Variants in NOS1 observed in about 807,000 individuals in gnomAD.
NOS1 encodes the protein NOS type I.
A neutral mutation model predicts 164.5 loss-of-function variants in NOS1; 51 were observed. The ratio of observed to expected loss-of-function variants is 0.31; its 90% confidence interval spans 0.25 to 0.39. NOS1 has a LOEUF of 0.39. NOS1 is among the 10% of genes least tolerant of loss of function. NOS1 has a pLI of 1.00. For synonymous variants in NOS1, 719 were observed against 745.8 expected (o/e 0.96, Z 0.59); for missense variants, 1,362 against 1,885.6 (o/e 0.72, Z 5.14).
intron 23 of NOS1, among the ~76,000 whole-genome samples, chr12:117,226,987 C>T (rs2293047): frequency 0.23 from 34,285 of 151,970 alleles, 4,113 homozygotes; most frequent in Middle Eastern, 0.34. Context: ...AGGGGTGGGT[C>T]GGATTCGAAT....
In NOS1 at chr12:117,331,007, G is replaced by A. The variant is rs1410189230; in HGVS notation, c.63C>T (p.Phe21=). The A allele has an allele frequency of 3.1e-6, 5 of 1,614,080 alleles. No homozygotes were observed. Among genetic ancestry groups the A allele is most frequent in the Non-Finnish European group, 4.2e-6 (5 of 1,180,044 alleles). ...ATCCCAGGCCCCCAACTTTGCGCTT[G>A]AAGAGACGAACAGAAATGACATTGG... ...IQPNVISVRL[F]KRKVGGLGFL... The change falls in exon 2 of 29, where the codon TTC becomes TTT. Residue 21 remains phenylalanine, a synonymous_variant. Transcript: ENST00000317775.
Position 117,211,896 on chromosome 12 carries a change from C to T in NOS1, c.*3413G>A. 1 of 799,724 alleles carries T rather than the reference C, an allele frequency of 1.3e-6. No individual in the cohort carries two copies. The highest frequency in any genetic ancestry group is 1.5e-6 in the Non-Finnish European group (1 of 661,084). 49.5% of individuals were successfully genotyped at this position (799,724 alleles called of 1,614,324 possible). ...CCTGGCCAACATGGTGAAACCCTGA[C>T]TCTACTAAAAATACAAAACTTAGCT... On this transcript the variant is annotated 3_prime_UTR_variant, in exon 29 of 29. Transcript: ENST00000317775.
chr12:117,340,114 C>A (rs1045023817), intron 1 of NOS1, among the ~76,000 whole-genome samples: 2 of 152,152 alleles, frequency 1.3e-5, no homozygotes, highest in African/African-American at 2.4e-5. Flanking sequence ...AAGTTATCCT[C>A]AAGCTTTGGC....
intron 11 of NOS1, among the ~76,000 whole-genome samples, chr12:117,267,767 A>T (rs1566049205): frequency 6.6e-6 from 1 of 152,110 alleles, no homozygotes; most frequent in Admixed American, 6.5e-5. Flanking sequence ...GACAGAGAGG[A>T]TGCCTCTTGT....
At chr12:117,348,724 T>G (rs1347031633) in intron 1 of NOS1, among the ~76,000 whole-genome samples, 2 of 152,192 alleles carry the variant, frequency 1.3e-5, no homozygotes, top group Non-Finnish European at 2.9e-5. Flanking sequence ...TGAAAACACA[T>G]GGAACAAATT....
chr12:117,307,994 A>AAATAATAATAATAAT (rs71444617), intron 3 of NOS1, among the ~76,000 whole-genome samples: 2,727 of 149,812 alleles, frequency 0.018, 35 homozygotes, highest in African/African-American at 0.03. Flanking sequence ...GTCTCACAAT[A>AAATAATAATAATAAT]AATAATAATA....
intron 7 of NOS1, 21 bp from the exon 8 acceptor site, chr12:117,280,887 C>G: frequency 6.2e-7 from 1 of 1,611,586 alleles, no homozygotes; most frequent in Non-Finnish European, 8.5e-7. Flanking sequence ...GAGAGGGGAA[C>G]ACCCGGCATC....
At chr12:117,297,892 C>T (rs1873533494) in intron 3 of NOS1, among the ~76,000 whole-genome samples, 1 of 152,088 alleles carries the variant, frequency 6.6e-6, no homozygotes, top group African/African-American at 2.4e-5. Flanking sequence ...CTGACAACTA[C>T]ACCAGGGGAG....
rs1869776322 is a variant in NOS1 at position 117,237,099 on chromosome 12, T to C, written c.3042-2341A>G. On this transcript the variant is annotated intron_variant, in intron 20 of 28. Transcript: ENST00000317775. Reference sequence around the variant, plus strand: ...GCGATAGCACTGGCTCAGAAACCAATTGTCTTAAATCTCAGTTCTGCTGAG... The same window carrying C: ...GCGATAGCACTGGCTCAGAAACCAACTGTCTTAAATCTCAGTTCTGCTGAG... Among the ~76,000 whole-genome samples the C allele has an allele frequency of 2.6e-5, 4 of 152,298 alleles. No individual in the cohort carries two copies. In the South Asian group the frequency reaches 8.3e-4, roughly 32 times the overall value.
At chr12:117,217,612 C>T (rs772313091) in intron 28 of NOS1, among the ~76,000 whole-genome samples, 6 of 151,652 alleles carry the variant, frequency 4.0e-5, no homozygotes, top group South Asian at 2.1e-4. Flanking sequence ...GGCTGAGGCA[C>T]GAGAATTGCT....
chr12:117,260,380 T>C, intron 14 of NOS1, 85 bp downstream of exon 14: 1 of 1,506,896 alleles, frequency 6.6e-7, no homozygotes, highest in Non-Finnish European at 9.1e-7. Flanking sequence ...TGCCAAAGGC[T>C]TCTTCTCTGT....
chr12:117,225,622 A>AT (rs372204460), intron 24 of NOS1, among the ~76,000 whole-genome samples: 98 of 150,164 alleles, frequency 6.5e-4, no homozygotes, highest in African/African-American at 2.3e-3. Context: ...GAGAGCCACC[A>AT]TTTTTTTTTC....
chr12:117,320,879 G>A (rs2136064172), intron 2 of NOS1, among the ~76,000 whole-genome samples: 1 of 152,286 alleles, frequency 6.6e-6, no homozygotes. Context: ...CAGTACAAAT[G>A]TTGTCTTTTC....
chr12:117,226,825 C>T, intron 23 of NOS1, 55 bp from the exon 24 acceptor site: 2 of 1,359,208 alleles, frequency 1.5e-6, no homozygotes, highest in Non-Finnish European at 2.1e-6. Flanking sequence ...GCACGGCCTC[C>T]CCTCCTCCCT....
In NOS1 at chr12:117,210,591, C is replaced by T. The variant is rs536388333; in HGVS notation, c.*4718G>A. 3.2e-5 allele frequency: 32 copies of T among 985,386 alleles called. No individual in the cohort carries two copies. The highest frequency in any genetic ancestry group is 6.2e-5 in the Admixed American group (1 of 16,260). The allele number at this position is 985,386 out of a possible 1,614,324, so 61.0% of individuals were successfully genotyped here. A position where few individuals can be genotyped will look rare whatever the true frequency, so the allele number is the denominator to read the frequency against. Reference sequence around the variant, plus strand: ...AGGCTGCATTAGGCGCTGGTGCTGTCGGAGTGAAGGGGCTCAGGCATCTGG... The same window carrying T: ...AGGCTGCATTAGGCGCTGGTGCTGTTGGAGTGAAGGGGCTCAGGCATCTGG... On this transcript the variant is annotated 3_prime_UTR_variant, in exon 29 of 29. Coordinates refer to ENST00000317775, the MANE Select transcript of NOS1 (RefSeq NM_000620.5).
At chr12:117,235,414 T>G (rs1436072039) in intron 20 of NOS1, among the ~76,000 whole-genome samples, 1 of 152,112 alleles carries the variant, frequency 6.6e-6, no homozygotes, top group Admixed American at 6.5e-5. Flanking sequence ...TGTCTAGCAC[T>G]TCACTGGGAC....
At position 117,311,534 on chromosome 12, in the gene NOS1, A is replaced by C. The variant is rs200602438; in HGVS notation, c.784T>G (p.Phe262Val). 4.5e-4 allele frequency: 726 copies of C among 1,613,154 alleles called. 2 individuals are homozygous for C. Among genetic ancestry groups the C allele is most frequent in the Non-Finnish European group, 5.2e-4 (612 of 1,179,608 alleles). The part of the protein sequence containing the change: ...LPLGVENDRV[F>V]NDLWGKGNVP... Reference sequence around the variant, plus strand: ...TTGCCCTTCCCCCATAGGTCATTGAAGACTCGGTCGTTCTCCACGCCGAGG... The same window carrying C: ...TTGCCCTTCCCCCATAGGTCATTGACGACTCGGTCGTTCTCCACGCCGAGG... Residue 262 changes from phenylalanine to valine, a missense_variant, in exon 3 of 29, where the codon TTC (phenylalanine) becomes GTC (valine). Phe to Val is a conservative substitution (Grantham distance 50, BLOSUM62 -1). Transcript: ENST00000317775.
intron 28 of NOS1, among the ~76,000 whole-genome samples, chr12:117,215,869 C>CTTTTT (rs34665031): frequency 3.5e-5 from 3 of 85,426 alleles, no homozygotes; most frequent in African/African-American, 5.6e-5. Flanking sequence ...TTTAAAAGGA[C>CTTTTT]TTTTTTTTTT....
Position 117,210,108 on chromosome 12 carries a change from G to T in NOS1, c.*5201C>A. On this transcript the variant is annotated 3_prime_UTR_variant, in exon 29 of 29. Coordinates refer to ENST00000317775, the MANE Select transcript of NOS1 (RefSeq NM_000620.5). Reference sequence around the variant, plus strand: ...CTGCCTCAGCCTCCCAAGTAGCTGGGACCACAGGAGCATGCCATCATGCCC... The same window carrying T: ...CTGCCTCAGCCTCCCAAGTAGCTGGTACCACAGGAGCATGCCATCATGCCC... 1 of 598,386 alleles carries T rather than the reference G, an allele frequency of 1.7e-6. No homozygotes were observed. Among genetic ancestry groups the T allele is most frequent in the Non-Finnish European group, 2.1e-6 (1 of 476,434 alleles). 37.1% of individuals were successfully genotyped at this position (598,386 alleles called of 1,614,324 possible).
Sources: gnomAD v4.1 joint callset for allele counts (sites outside exome capture counted in the v4.1 genomes callset) on GRCh38, gnomAD v4.1.1 for gene constraint, MANE v1.5 for transcripts, NCBI Gene and HGNC (gene_info 2026-07-23, HGNC 2026-07-21) for gene names.